Variants in DYNC1I1 observed in about 807,000 individuals in gnomAD.
DYNC1I1 encodes the protein dynein cytoplasmic 1 intermediate chain 1.
DYNC1I1 carries 43 observed loss-of-function variants against 86.6 expected under a neutral mutation model. The ratio of observed to expected loss-of-function variants is 0.50; its 90% CI spans 0.39 to 0.64. The LOEUF (loss-of-function observed/expected upper bound fraction) is 0.64. Among genes scored for constraint, DYNC1I1 ranks in the 30% least tolerant of loss-of-function variants. DYNC1I1 has a pLI of 0.00. For missense variants in DYNC1I1, 604 were observed against 788.8 expected (o/e 0.77, Z 2.81); for synonymous variants, 262 against 283.7 (o/e 0.92, Z 0.77).
intron 16 of DYNC1I1, among the ~76,000 whole-genome samples, chr7:96,092,347 A>AT (rs1282276017): frequency 2.6e-5 from 4 of 152,168 alleles, no homozygotes; most frequent in Admixed American, 6.6e-5. Context: ...AGCTTATTAC[A>AT]TTTTTTTGTT....
rs754243136 is a variant in DYNC1I1 at position 96,076,108 on chromosome 7, G to A, written c.1561G>A (p.Val521Ile). ...AGACAATGCAGACTATGTGTACGAT[G>A]TCATGTGGTCCCCCGTGCATCCTGC... Reference protein sequence around the residue: ...FEDNADYVYDVMWSPVHPALF... With the variant: ...FEDNADYVYDIMWSPVHPALF... Residue 521 changes from valine (V) to isoleucine (I), a missense_variant, in exon 15 of 17, where the codon GTC becomes ATC. Coordinates refer to ENST00000447467, the MANE Select transcript of DYNC1I1 (RefSeq NM_001135556.2). The A allele has an allele frequency of 6.2e-7, 1 of 1,614,136 alleles. No individual in the cohort carries two copies. Among genetic ancestry groups the A allele is most frequent in the Non-Finnish European group, 8.5e-7 (1 of 1,180,022 alleles).
intron 16 of DYNC1I1, among the ~76,000 whole-genome samples, chr7:96,081,167 A>G (rs980862210): frequency 1.3e-5 from 2 of 151,982 alleles, no homozygotes; most frequent in African/African-American, 4.8e-5. Context: ...TAACATATAT[A>G]CTATTTTTCT....
At chr7:95,806,884 A>G (rs1794713433) in intron 2 of DYNC1I1, among the ~76,000 whole-genome samples, 1 of 152,172 alleles carries the variant, frequency 6.6e-6, no homozygotes, top group East Asian at 1.9e-4. Context: ...GACAGAAGAC[A>G]TAAACACAGT....
At chr7:95,960,361 C>T (rs1218717183) in intron 6 of DYNC1I1, among the ~76,000 whole-genome samples, 3 of 152,140 alleles carry the variant, frequency 2.0e-5, no homozygotes, top group Non-Finnish European at 4.4e-5. Flanking sequence ...CCTGCCTCAG[C>T]CTCCCAAAGT....
At chr7:96,050,862 A>G (rs888931692) in intron 14 of DYNC1I1, among the ~76,000 whole-genome samples, 15 of 152,170 alleles carry the variant, frequency 9.9e-5, no homozygotes, top group African/African-American at 3.4e-4. Context: ...AAAAAACTAC[A>G]TATTTTAGTC....
intron 10 of DYNC1I1, among the ~76,000 whole-genome samples, chr7:96,012,137 T>C (rs1794290481): frequency 6.6e-6 from 1 of 152,170 alleles, no homozygotes; most frequent in Non-Finnish European, 1.5e-5. Flanking sequence ...GAAAAAGTTT[T>C]GACAGAAGGT....
At chr7:95,802,745 G>A (rs551428244) in intron 1 of DYNC1I1, 1 of 152,164 alleles carries the variant, frequency 6.6e-6, no homozygotes, top group East Asian at 1.9e-4. Context: ...GTGAATTCTT[G>A]GCGTCAAGCT....
At chr7:95,906,661 G>A (rs1791185725) in intron 6 of DYNC1I1, among the ~76,000 whole-genome samples, 1 of 151,834 alleles carries the variant, frequency 6.6e-6, no homozygotes, top group Non-Finnish European at 1.5e-5. Context: ...AGACCTTTAA[G>A]CTGTATGCTT....
intron 5 of DYNC1I1, among the ~76,000 whole-genome samples, chr7:95,861,912 A>AT (rs2116126494): frequency 6.6e-6 from 1 of 152,314 alleles, no homozygotes; most frequent in South Asian, 2.1e-4. Flanking sequence ...ATCAATATTC[A>AT]TGACAGAAGC....
chr7:95,890,580 C>A (rs558165798), intron 6 of DYNC1I1, among the ~76,000 whole-genome samples: 1 of 152,118 alleles, frequency 6.6e-6, no homozygotes, highest in Non-Finnish European at 1.5e-5. Context: ...CACCACTGTA[C>A]CTAAAATAAA....
intron 5 of DYNC1I1, among the ~76,000 whole-genome samples, chr7:95,843,756 T>G (rs897651388): frequency 6.6e-6 from 1 of 152,160 alleles, no homozygotes; most frequent in Non-Finnish European, 1.5e-5. Flanking sequence ...TAAGTGCAAC[T>G]CAACTTGTCT....
intron 6 of DYNC1I1, among the ~76,000 whole-genome samples, chr7:95,917,473 AC>A (rs972821458): frequency 2.6e-5 from 4 of 152,082 alleles, no homozygotes; most frequent in African/African-American, 9.7e-5. Context: ...TCTCCCGAGT[AC>A]CCTTCCAAAG....
chr7:95,937,166 T>C (rs1255884348), intron 6 of DYNC1I1, among the ~76,000 whole-genome samples: 1 of 151,944 alleles, frequency 6.6e-6, no homozygotes, highest in Non-Finnish European at 1.5e-5. Flanking sequence ...GGCCAGAGTA[T>C]GGGGAAAATG....
chr7:95,871,406 A>G (rs1790164008), intron 6 of DYNC1I1, among the ~76,000 whole-genome samples: 1 of 152,232 alleles, frequency 6.6e-6, no homozygotes, highest in Non-Finnish European at 1.5e-5. Flanking sequence ...AGCCTGTGAG[A>G]GTTCACCTAG....
chr7:96,006,015 G>C (rs2115820079), intron 10 of DYNC1I1, among the ~76,000 whole-genome samples: 1 of 152,270 alleles, frequency 6.6e-6, no homozygotes, highest in East Asian at 1.9e-4. Flanking sequence ...TGTGCGTGAA[G>C]AAAACAAGGG....
At chr7:95,822,324 G>A (rs957754738) in intron 4 of DYNC1I1, among the ~76,000 whole-genome samples, 6 of 152,014 alleles carry the variant, frequency 3.9e-5, no homozygotes, top group South Asian at 2.1e-4. Flanking sequence ...AGTTGGTTAC[G>A]GCTAGTTTGA....
rs138337478 is a variant in DYNC1I1 at position 96,048,812 on chromosome 7, A to C, written c.1509+9391A>C. On this transcript the variant is annotated intron_variant, in intron 14 of 16. Coordinates refer to ENST00000447467, the MANE Select transcript of DYNC1I1 (RefSeq NM_001135556.2). Reference sequence around the variant, plus strand: ...CTACATGTTCTGGCCAGAGGTTTGTACGGTGAATGTATTTGAAACCCCAAA... The same window carrying C: ...CTACATGTTCTGGCCAGAGGTTTGTCCGGTGAATGTATTTGAAACCCCAAA... 1.3e-4 allele frequency among the ~76,000 whole-genome samples: 20 copies of C among 152,312 alleles called. No homozygotes were observed. In the East Asian group the frequency reaches 1.4e-3, roughly 10 times the overall value.
chr7:95,783,163 C>T lies in DYNC1I1; in HGVS notation c.-10+10390C>T, dbSNP rs145844790. ...TCTTCTACCCAGTATTTCCTTGCCTCCTGTCCATATCACTAACACCTGAAT... is the reference window on the plus strand; with the variant it reads ...TCTTCTACCCAGTATTTCCTTGCCTTCTGTCCATATCACTAACACCTGAAT... On this transcript the variant is annotated intron_variant, in intron 1 of 16. Coordinates refer to ENST00000447467, the MANE Select transcript of DYNC1I1 (RefSeq NM_001135556.2). Among the ~76,000 whole-genome samples, 4 of 152,280 alleles carry T rather than the reference C, an allele frequency of 2.6e-5. No homozygotes were observed. In the East Asian group the frequency reaches 7.7e-4, roughly 29 times the overall value.
chr7:95,967,134 G>T (rs1242617439), intron 6 of DYNC1I1, among the ~76,000 whole-genome samples: 1 of 152,146 alleles, frequency 6.6e-6, no homozygotes, highest in Admixed American at 6.6e-5. Context: ...CTACTCCCAA[G>T]AATTTGGGAG....
Sources: gnomAD v4.1 joint callset for allele counts (sites outside exome capture counted in the v4.1 genomes callset) on GRCh38, gnomAD v4.1.1 for gene constraint, MANE v1.5 for transcripts, NCBI Gene and HGNC (gene_info 2026-07-23, HGNC 2026-07-21) for gene names.